Variants in CNTN1 observed in about 807,000 individuals in gnomAD.
CNTN1 encodes contactin 1.
In CNTN1, 38 loss-of-function variants were observed where a neutral mutation model predicts 126.4. The observed-to-expected ratio is 0.30, with a 90% CI of 0.23 to 0.39. The LOEUF (loss-of-function observed/expected upper bound fraction) is 0.39. CNTN1 is among the 10% of genes least tolerant of loss of function. The probability of loss-of-function intolerance (pLI) is 1.00; values close to 1 mark genes in which losing one functional copy is unlikely to be tolerated. For synonymous variants in CNTN1, 413 were observed against 422.6 expected (o/e 0.98, Z 0.28); for missense variants, 1,009 against 1,248.4 (o/e 0.81, Z 2.89).
intron 1 of CNTN1, among the ~76,000 whole-genome samples, chr12:40,738,563 G>A (rs984997199): frequency 5.3e-5 from 8 of 151,864 alleles, no homozygotes; most frequent in Non-Finnish European, 8.8e-5. Flanking sequence ...ATAAACTAGC[G>A]AAAGTAATAT....
chr12:40,954,092 G>A (rs12301270), intron 14 of CNTN1, among the ~76,000 whole-genome samples: 17,828 of 151,954 alleles, frequency 0.12, 1,096 homozygotes, highest in Non-Finnish European at 0.12. Flanking sequence ...TTAGTAACAG[G>A]GTTATCTTTC....
chr12:41,028,959 T>C (rs1949088627), intron 22 of CNTN1, 104 bp from the exon 23 acceptor site: 1 of 1,114,976 alleles, frequency 9.0e-7, no homozygotes, highest in African/African-American at 1.6e-5. Context: ...AATTTATTAC[T>C]TTTTGTTAAT....
At chr12:40,696,128 T>G (rs1941445600) in intron 1 of CNTN1, among the ~76,000 whole-genome samples, 1 of 152,240 alleles carries the variant, frequency 6.6e-6, no homozygotes, top group African/African-American at 2.4e-5. Flanking sequence ...CCCATGGTAA[T>G]TACTCATAAA....
chr12:40,740,143 AC>A (rs1343618511), intron 1 of CNTN1, among the ~76,000 whole-genome samples: 1 of 152,016 alleles, frequency 6.6e-6, no homozygotes, highest in Non-Finnish European at 1.5e-5. Flanking sequence ...AGATAACTCA[AC>A]CTTGTAATGA....
intron 1 of CNTN1, among the ~76,000 whole-genome samples, chr12:40,779,187 T>C (rs1939700983): frequency 6.6e-6 from 1 of 151,804 alleles, no homozygotes; most frequent in Admixed American, 6.6e-5. Flanking sequence ...TCTTAATTAA[T>C]AGTATGGTAA....
At chr12:40,927,331 A>T (rs1159658616) in intron 6 of CNTN1, among the ~76,000 whole-genome samples, 1 of 152,154 alleles carries the variant, frequency 6.6e-6, no homozygotes, top group Non-Finnish European at 1.5e-5. Flanking sequence ...TGAGTCCTTG[A>T]AAGAACTAGA....
At chr12:40,771,858 T>C (rs1939346986) in intron 1 of CNTN1, among the ~76,000 whole-genome samples, 1 of 152,044 alleles carries the variant, frequency 6.6e-6, no homozygotes, top group South Asian at 2.1e-4. Context: ...TAAAAGACAA[T>C]TTAAATGGTC....
At chr12:40,929,352 AC>A (rs199572403) in intron 6 of CNTN1, among the ~76,000 whole-genome samples, 3,994 of 149,146 alleles carry the variant, frequency 0.027, 68 homozygotes, top group Non-Finnish European at 0.032. Flanking sequence ...ACACACACAC[AC>A]AAAAAAAAAA....
At chr12:40,952,826 G>A (rs543532059) in intron 14 of CNTN1, among the ~76,000 whole-genome samples, 17 of 151,920 alleles carry the variant, frequency 1.1e-4, no homozygotes, top group South Asian at 2.1e-4. Flanking sequence ...AAGAAGAAAC[G>A]TTTTATTATT....
chr12:41,065,400 T>TA (rs1439942270), intron 23 of CNTN1, among the ~76,000 whole-genome samples: 1 of 152,118 alleles, frequency 6.6e-6, no homozygotes, highest in Non-Finnish European at 1.5e-5. Flanking sequence ...CTTGTCCTGT[T>TA]AAAATTAAAT....
intron 1 of CNTN1, among the ~76,000 whole-genome samples, chr12:40,819,852 G>A (rs771876407): frequency 2.0e-5 from 3 of 152,170 alleles, no homozygotes; most frequent in Non-Finnish European, 2.9e-5. Context: ...GTGGAAAAAG[G>A]ACAGTTTACC....
chr12:40,937,774 C>T, intron 11 of CNTN1, 87 bp downstream of exon 11: 2 of 826,408 alleles, frequency 2.4e-6, no homozygotes, highest in Non-Finnish European at 4.3e-6. Flanking sequence ...CACAAAATAC[C>T]CAGTATTGTG....
At chr12:41,016,592 C>A in intron 18 of CNTN1, 90 bp from the exon 19 acceptor site, 1 of 808,438 alleles carries the variant, frequency 1.2e-6, no homozygotes, top group Non-Finnish European at 2.1e-6. Context: ...TTACAAAGAG[C>A]ACGCCTCCGT....
chr12:40,917,498 A>G (rs1224898368), intron 3 of CNTN1, among the ~76,000 whole-genome samples: 3 of 152,144 alleles, frequency 2.0e-5, no homozygotes, highest in Admixed American at 6.6e-5. Context: ...TAATGAAACT[A>G]TTTGTTCAAA....
chr12:40,937,596 T>C lies in CNTN1; in HGVS notation c.1137T>C (p.Tyr379=). 2 of 1,609,872 alleles carry C rather than the reference T, an allele frequency of 1.2e-6. No individual in the cohort carries two copies. The highest frequency in any genetic ancestry group is 8.5e-7 in the Non-Finnish European group (1 of 1,176,276). ...ATCATAAAGGGGAATTAAGACTGTATGATGTGACTTTTGAAAATGCCGGAA... is the reference window on the plus strand; with the variant it reads ...ATCATAAAGGGGAATTAAGACTGTACGATGTGACTTTTGAAAATGCCGGAA... ...YAYHKGELRL[Y]DVTFENAGMY... The change falls in exon 11 of 24, where the codon TAT becomes TAC. Residue 379 remains tyrosine, a synonymous_variant. Transcript: ENST00000551295.
At chr12:40,972,118 A>G (rs1177801435) in intron 15 of CNTN1, 3 of 985,422 alleles carry the variant, frequency 3.0e-6, no homozygotes, top group Admixed American at 6.2e-5. Context: ...GAAAGTGAAA[A>G]TGGATAGCAT....
chr12:40,907,356 T>C (rs1944867833), intron 1 of CNTN1, among the ~76,000 whole-genome samples: 1 of 152,220 alleles, frequency 6.6e-6, no homozygotes, highest in Admixed American at 6.5e-5. Flanking sequence ...TGTTCACATA[T>C]CTGTGTACTC....
chr12:40,707,718 T>C (rs1303855895), intron 1 of CNTN1, among the ~76,000 whole-genome samples: 1 of 152,176 alleles, frequency 6.6e-6, no homozygotes, highest in African/African-American at 2.4e-5. Flanking sequence ...AGTGACTGAT[T>C]TGTCTCTAAA....
rs1462064019 is a variant in CNTN1, at chr12:40,753,315, T to G, written c.-77+60723T>G. On this transcript the variant is annotated intron_variant, in intron 1 of 23. Transcript: ENST00000551295. ...AATGCTGAAGAAAATTACAATGACC[T>G]ATAACTCCATGACTCAGAAATAGCC... Among the ~76,000 whole-genome samples, 3 of 152,156 alleles carry G rather than the reference T, an allele frequency of 2.0e-5. No homozygotes were observed. In the East Asian group the frequency reaches 5.8e-4, roughly 29 times the overall value.
Sources: gnomAD v4.1 joint callset for allele counts (sites outside exome capture counted in the v4.1 genomes callset) on GRCh38, gnomAD v4.1.1 for gene constraint, MANE v1.5 for transcripts, NCBI Gene and HGNC (gene_info 2026-07-23, HGNC 2026-07-21) for gene names.